Variants in MALRD1 observed in about 807,000 individuals in gnomAD.
The protein encoded by MALRD1 is MAM and LDL receptor class A domain containing 1.
MALRD1 carries 247 observed loss-of-function variants against 242.1 expected under a neutral mutation model. That is an observed-to-expected ratio of 1.02 (90% CI 0.92 to 1.13). MALRD1 has a LOEUF of 1.13. Ranked by LOEUF, MALRD1 falls within the 50% of genes most tolerant of loss-of-function variation. MALRD1 has a pLI of 0.00. For synonymous variants in MALRD1, 995 were observed against 866.6 expected (o/e 1.15, Z -2.60); for missense variants, 2,989 against 2,533.1 (o/e 1.18, Z -3.86).
chr10:19,564,260 G>A (rs1836157652), intron 32 of MALRD1, among the ~76,000 whole-genome samples: 1 of 152,064 alleles, frequency 6.6e-6, no homozygotes, highest in African/African-American at 2.4e-5. Flanking sequence ...AATAAATGCT[G>A]AGGAGTTTCT....
intron 18 of MALRD1, among the ~76,000 whole-genome samples, chr10:19,219,006 C>T (rs1014833149): frequency 6.6e-6 from 1 of 151,974 alleles, no homozygotes. Context: ...AAATGTTACC[C>T]CGCCAGTCTG....
chr10:19,384,475 TTATA>T (rs1845984236), intron 26 of MALRD1, among the ~76,000 whole-genome samples: 1 of 117,768 alleles, frequency 8.5e-6, no homozygotes, highest in Non-Finnish European at 1.6e-5. Context: ...ATACTATATA[TTATA>T]TAGTGTATGT....
intron 32 of MALRD1, among the ~76,000 whole-genome samples, chr10:19,559,079 A>G (rs1042900783): frequency 6.6e-6 from 1 of 151,968 alleles, no homozygotes; most frequent in Non-Finnish European, 1.5e-5. Flanking sequence ...GTTACTCAGG[A>G]GGCTGAGGTG....
intron 1 of MALRD1, among the ~76,000 whole-genome samples, chr10:19,062,460 G>A (rs190296720): frequency 2.1e-4 from 32 of 152,212 alleles, no homozygotes; most frequent in African/African-American, 7.0e-4. Context: ...GTAGGGACTC[G>A]AACAAGTATT....
At chr10:19,174,765 ATATAT>A (rs1397607755) in intron 13 of MALRD1, among the ~76,000 whole-genome samples, 1 of 152,062 alleles carries the variant, frequency 6.6e-6, no homozygotes, top group African/African-American at 2.4e-5. Flanking sequence ...TGTATATAAT[ATATAT>A]TATGTTTGTA....
At chr10:19,508,119 G>A (rs1833225168) in intron 31 of MALRD1, among the ~76,000 whole-genome samples, 1 of 151,886 alleles carries the variant, frequency 6.6e-6, no homozygotes, top group South Asian at 2.1e-4. Flanking sequence ...GGTGGGGGTG[G>A]GGGAAGAAGA....
intron 36 of MALRD1, among the ~76,000 whole-genome samples, chr10:19,670,896 T>G (rs867983560): frequency 1.3e-5 from 2 of 148,578 alleles, no homozygotes; most frequent in Middle Eastern, 3.4e-3. Flanking sequence ...TTTTTTTTTT[T>G]GAGATGGAGT....
At chr10:19,235,607 AGAGAGAGC>A (rs983966174) in intron 18 of MALRD1, among the ~76,000 whole-genome samples, 2 of 135,252 alleles carry the variant, frequency 1.5e-5, no homozygotes, top group Non-Finnish European at 1.7e-5. Context: ...AGAGAGAGAG[AGAGAGAGC>A]GCCTAGGTAA....
At chr10:19,729,806 G>T (rs1474399742) in intron 38 of MALRD1, among the ~76,000 whole-genome samples, 1 of 133,966 alleles carries the variant, frequency 7.5e-6, no homozygotes, top group East Asian at 2.3e-4. Flanking sequence ...GCGCGATCTC[G>T]GCTCACTGCA....
chr10:19,104,925 G>A (rs1836411164), intron 5 of MALRD1, among the ~76,000 whole-genome samples: 1 of 151,714 alleles, frequency 6.6e-6, no homozygotes, highest in Admixed American at 6.6e-5. Context: ...TATATTTATG[G>A]GATACCATGT....
intron 32 of MALRD1, among the ~76,000 whole-genome samples, chr10:19,555,670 T>C (rs1195942339): frequency 6.6e-6 from 1 of 152,110 alleles, no homozygotes; most frequent in African/African-American, 2.4e-5. Context: ...TGTAAAGACA[T>C]TCTTACAATG....
At chr10:19,292,963 T>C (rs964753369) in intron 21 of MALRD1, among the ~76,000 whole-genome samples, 4 of 151,378 alleles carry the variant, frequency 2.6e-5, no homozygotes, top group Non-Finnish European at 5.9e-5. Context: ...CTTCTATATC[T>C]AGTGCTGGAT....
In MALRD1 at chr10:19,218,279, A is replaced by AATATTACTT. The variant is rs1837411431; in HGVS notation, c.2991+8600_2991+8608dup. Among the ~76,000 whole-genome samples, 2 of 152,158 alleles carry AATATTACTT rather than the reference A, an allele frequency of 1.3e-5. 1 individual carries two copies. The highest frequency in any genetic ancestry group is 4.2e-4 in the South Asian group (2 of 4,806). On this transcript the variant is annotated intron_variant, in intron 18 of 39. Coordinates refer to ENST00000454679, the MANE Select transcript of MALRD1 (RefSeq NM_001142308.3). ...TTATTCACGCCAATTATGACAGGTG[A>AATATTACTT]ATATTACTTTGATTTACATTCCAGT...
chr10:19,589,124 G>T (rs773952219), intron 33 of MALRD1, among the ~76,000 whole-genome samples: 2 of 152,128 alleles, frequency 1.3e-5, no homozygotes, highest in Admixed American at 6.5e-5. Context: ...TAAGAGAAAA[G>T]TATCACATAC....
At chr10:19,181,655 A>G (rs1488686699) in intron 14 of MALRD1, among the ~76,000 whole-genome samples, 1 of 152,184 alleles carries the variant, frequency 6.6e-6, no homozygotes, top group East Asian at 1.9e-4. Context: ...ACAGTTAATA[A>G]CACTTGAGGA....
chr10:19,096,742 A>G (rs1836048970), intron 4 of MALRD1, among the ~76,000 whole-genome samples: 1 of 152,228 alleles, frequency 6.6e-6, no homozygotes, highest in Non-Finnish European at 1.5e-5. Context: ...GAATTATTTC[A>G]TTGTCTGCCA....
At chr10:19,438,446 T>G (rs1834448550) in intron 28 of MALRD1, among the ~76,000 whole-genome samples, 2 of 152,202 alleles carry the variant, frequency 1.3e-5, no homozygotes, top group Admixed American at 1.3e-4. Context: ...ATTTTGCTAT[T>G]GCAAATAATG....
rs527915628 is a variant in MALRD1, at chr10:19,053,910, GA to G, written c.199+4781del. ...TACTCAGTATTGTTTTAAGAAATCA[GA>G]AAAAAAACTGAGTCCTCAAGATTAA... On this transcript the variant is annotated intron_variant, in intron 1 of 39. Coordinates refer to ENST00000454679, the MANE Select transcript of MALRD1 (RefSeq NM_001142308.3). Among the ~76,000 whole-genome samples the G allele has an allele frequency of 5.3e-3, 796 of 151,240 alleles. 10 individuals are homozygous for G. The highest frequency in any genetic ancestry group is 0.018 in the African/African-American group (744 of 41,200).
At chr10:19,281,354 A>C (rs781266644) in intron 20 of MALRD1, among the ~76,000 whole-genome samples, 24 of 152,152 alleles carry the variant, frequency 1.6e-4, no homozygotes, top group Non-Finnish European at 3.4e-4. Context: ...GTTTATACAA[A>C]ACCTAATTAA....
Sources: gnomAD v4.1 joint callset for allele counts (sites outside exome capture counted in the v4.1 genomes callset) on GRCh38, gnomAD v4.1.1 for gene constraint, MANE v1.5 for transcripts, NCBI Gene and HGNC (gene_info 2026-07-23, HGNC 2026-07-21) for gene names.